CALN1: variants seen among roughly 807,000 people sequenced by gnomAD.
CALN1 encodes the protein calneuron 1, also known as calcium-binding protein 8.
CALN1 carries 17 observed loss-of-function variants against 30.6 expected under a neutral mutation model. The observed-to-expected ratio is 0.56, with a 90% CI of 0.38 to 0.83. The LOEUF (loss-of-function observed/expected upper bound fraction) is 0.83, where lower values mean the gene tolerates loss of function less well. CALN1 is among the 40% of genes least tolerant of loss of function. The pLI, the probability that CALN1 is intolerant of heterozygous loss-of-function variation, is 0.00. For missense variants in CALN1, 291 were observed against 354.9 expected (o/e 0.82, Z 1.45); for synonymous variants, 156 against 131.4 (o/e 1.19, Z -1.28).
At chr7:72,411,196 A>C (rs73702939) in intron 1 of CALN1, among the ~76,000 whole-genome samples, 5,201 of 152,346 alleles carry the variant, frequency 0.034, 280 homozygotes, top group African/African-American at 0.12. Flanking sequence ...CAATTCCTTA[A>C]AATAGAAAAT....
intron 3 of CALN1, among the ~76,000 whole-genome samples, chr7:72,270,092 CGT>C (rs538948120): frequency 6.0e-5 from 9 of 149,548 alleles, no homozygotes; most frequent in African/African-American, 1.5e-4. Flanking sequence ...TGGGTGTTTC[CGT>C]GTGTGTGTGT....
chr7:71,847,505 AAAAC>A (rs1426598094), intron 5 of CALN1, among the ~76,000 whole-genome samples: 5 of 151,418 alleles, frequency 3.3e-5, no homozygotes, highest in African/African-American at 1.2e-4. Flanking sequence ...AACCAAAACC[AAAAC>A]CAAAACCAAA....
chr7:71,925,264 AAAGC>A (rs765736446), intron 5 of CALN1, among the ~76,000 whole-genome samples: 10 of 151,748 alleles, frequency 6.6e-5, no homozygotes, highest in Middle Eastern at 3.2e-3. Flanking sequence ...GAGACAAAGA[AAAGC>A]AAGCAAGCAA....
At position 71,783,124 on chromosome 7, in the gene CALN1, T is replaced by C. The variant is rs565805033; in HGVS notation, c.*4651A>G. ...TGAGCAATCAGGTGTGGAGGGAAGA[T>C]GGCTATGGTAAGGCCTTTAGGTTAC... On this transcript the variant is annotated 3_prime_UTR_variant, in exon 7 of 7. Transcript: ENST00000395275. 6.6e-6 allele frequency: 1 copy of C among 152,322 alleles called. No individual in the cohort carries two copies. The highest frequency in any genetic ancestry group is 2.1e-4 in the South Asian group (1 of 4,826). The allele number at this position is 152,322 out of a possible 1,614,324, so 9.4% of individuals were successfully genotyped here.
In CALN1 at chr7:72,355,258, G is replaced by A. The variant is rs543982936; in HGVS notation, c.119+47993C>T. 2.6e-5 allele frequency among the ~76,000 whole-genome samples: 4 copies of A among 152,314 alleles called. No individual in the cohort carries two copies. The South Asian group carries it at 6.2e-4, about 24-fold the overall frequency. On this transcript the variant is annotated intron_variant, in intron 2 of 6. Coordinates refer to ENST00000395275, the MANE Select transcript of CALN1 (RefSeq NM_031468.4). ...AGGCACAAATTGGCCGGCCGCTGTG[G>A]CTAACACCTATAATCTCAGCACTTG...
In CALN1 at chr7:72,140,345, AGGGAGGG is replaced by A. The variant is rs1301487970; in HGVS notation, c.245-34058_245-34052del. On this transcript the variant is annotated intron_variant, in intron 3 of 6. Coordinates refer to ENST00000395275, the MANE Select transcript of CALN1 (RefSeq NM_031468.4). ...AGAGAAAGGGAGAAGGAAGGAAGGG[AGGGAGGG>A]AGGGAGGGAGGGAGGGAGGGAGGGA... 2.1e-3 allele frequency among the ~76,000 whole-genome samples: 28 copies of A among 13,242 alleles called. No individual in the cohort carries two copies. In the African/African-American group the frequency reaches 0.034, roughly 16 times the overall value. 8.7% of individuals were successfully genotyped at this position (13,242 alleles called of 152,430 possible).
intron 2 of CALN1, among the ~76,000 whole-genome samples, chr7:72,355,113 GCCCAGGCTGGT>G (rs1803151860): frequency 6.6e-6 from 1 of 151,878 alleles, no homozygotes; most frequent in African/African-American, 2.4e-5. Context: ...CTCAGCATTT[GCCCAGGCTGGT>G]CTCAAACTCC....
At chr7:72,328,148 A>G (rs990778433) in intron 2 of CALN1, among the ~76,000 whole-genome samples, 1 of 152,170 alleles carries the variant, frequency 6.6e-6, no homozygotes, top group African/African-American at 2.4e-5. Flanking sequence ...ATCGCTAAAA[A>G]ATGTCTTAAG....
intron 4 of CALN1, among the ~76,000 whole-genome samples, chr7:72,065,061 A>G (rs1047399656): frequency 1.0e-4 from 15 of 148,460 alleles, no homozygotes; most frequent in Non-Finnish European, 4.5e-5. Flanking sequence ...ATATGTTAAT[A>G]TATGTAAAAT....
intron 3 of CALN1, among the ~76,000 whole-genome samples, chr7:72,183,176 G>A (rs868068762): frequency 1.3e-5 from 2 of 152,206 alleles, no homozygotes; most frequent in Middle Eastern, 3.4e-3. Context: ...CGATTTTCAT[G>A]CCTCAGTCTC....
chr7:71,908,176 C>A (rs980417390), intron 5 of CALN1, among the ~76,000 whole-genome samples: 1 of 152,136 alleles, frequency 6.6e-6, no homozygotes, highest in African/African-American at 2.4e-5. Flanking sequence ...CCTCCTGAAC[C>A]CTTTGGTGGC....
chr7:72,203,795 G>T (rs1208269063), intron 3 of CALN1, among the ~76,000 whole-genome samples: 2 of 151,924 alleles, frequency 1.3e-5, no homozygotes, highest in Non-Finnish European at 2.9e-5. Context: ...TGAATTTTCT[G>T]TTTATTGTTT....
chr7:72,023,554 A>C, intron 5 of CALN1, 103 bp downstream of exon 5: 12 of 783,906 alleles, frequency 1.5e-5, no homozygotes, highest in East Asian at 2.5e-5. Flanking sequence ...TCAGCCCAGA[A>C]GAGATCTTCA....
intron 2 of CALN1, among the ~76,000 whole-genome samples, chr7:72,339,737 T>G (rs1802294944): frequency 6.6e-6 from 1 of 152,178 alleles, no homozygotes; most frequent in Admixed American, 6.5e-5. Flanking sequence ...AAGGCACATC[T>G]TACATGGCAG....
Position 71,833,995 on chromosome 7 carries a change from G to A in CALN1, c.502-23503C>T, listed in dbSNP as rs534001875. Among the ~76,000 whole-genome samples the A allele has an allele frequency of 4.6e-5, 7 of 152,006 alleles. No homozygotes were observed. The South Asian group carries it at 8.3e-4, about 18-fold the overall frequency. On this transcript the variant is annotated intron_variant, in intron 5 of 6. Transcript: ENST00000395275. Reference sequence around the variant, plus strand: ...TCCCAACACTTTGGGAGGCCGTGGCGGGTGGATCACAAGGTCAGGAGATCG... The same window carrying A: ...TCCCAACACTTTGGGAGGCCGTGGCAGGTGGATCACAAGGTCAGGAGATCG...
the CALN1 span, among the ~76,000 whole-genome samples, chr7:72,463,043 G>A: frequency 6.6e-6 from 1 of 152,232 alleles, no homozygotes; most frequent in Non-Finnish European, 1.5e-5. Context: ...CCATGCTGTG[G>A]GGTTAGCTAC....
intron 4 of CALN1, among the ~76,000 whole-genome samples, chr7:72,078,780 A>T (rs1804921629): frequency 6.6e-6 from 1 of 152,164 alleles, no homozygotes; most frequent in South Asian, 2.1e-4. Context: ...TACTAAAAAT[A>T]CAAAAATTAG....
intron 5 of CALN1, among the ~76,000 whole-genome samples, chr7:71,931,183 G>A (rs998741330): frequency 1.3e-5 from 2 of 152,022 alleles, no homozygotes; most frequent in African/African-American, 4.8e-5. Flanking sequence ...TTTTTAGAGG[G>A]GATAACATTT....
chr7:72,499,911 T>A, the CALN1 span, among the ~76,000 whole-genome samples: 10 of 40,638 alleles, frequency 2.5e-4, no homozygotes, highest in East Asian at 1.0e-3. Context: ...CTTTCTTTCT[T>A]TCTATCTTTC....
Sources: allele counts gnomAD v4.1 joint callset (sites outside exome capture counted in the v4.1 genomes callset), GRCh38; gene constraint gnomAD v4.1.1; transcripts MANE v1.5; gene names NCBI Gene and HGNC (gene_info 2026-07-23, HGNC 2026-07-21).